Variants in DGKB observed in about 807,000 individuals in gnomAD.
DGKB encodes the protein diacylglycerol kinase beta, also known as 90 kDa diacylglycerol kinase.
In DGKB, 67 loss-of-function variants were observed where a neutral mutation model predicts 114.3. That is an observed-to-expected ratio of 0.59 (90% CI 0.48 to 0.72). DGKB has a LOEUF of 0.72. Ranked by LOEUF, DGKB falls within the 30% of genes least tolerant of loss-of-function variation. The pLI, the probability that DGKB is intolerant of heterozygous loss-of-function variation, is 0.00. For missense variants in DGKB, 907 were observed against 975.2 expected, an observed-to-expected ratio of 0.93 and a Z score of 0.93; for synonymous variants, 398 against 323.1, an observed-to-expected ratio of 1.23 and a Z score of -2.49.
intron 5 of DGKB, among the ~76,000 whole-genome samples, chr7:14,722,649 T>C (rs1020553954): frequency 5.9e-5 from 9 of 151,912 alleles, no homozygotes; most frequent in Non-Finnish European, 1.2e-4. Context: ...TCGTCTCTAC[T>C]AAAAATACAA....
intron 2 of DGKB, among the ~76,000 whole-genome samples, chr7:14,771,314 G>C (rs1277492791): frequency 5.3e-5 from 8 of 152,064 alleles, no homozygotes; most frequent in Non-Finnish European, 1.0e-4. Flanking sequence ...TATTTTCCCA[G>C]CATTCTCCCT....
At chr7:14,971,904 C>T (rs1487533827) in intron 1 of DGKB, among the ~76,000 whole-genome samples, 1 of 151,728 alleles carries the variant, frequency 6.6e-6, no homozygotes, top group Non-Finnish European at 1.5e-5. Context: ...CTGTGATTAC[C>T]CGGCTAATTT....
chr7:14,245,074 T>C (rs1794274395), intron 23 of DGKB, among the ~76,000 whole-genome samples: 1 of 152,060 alleles, frequency 6.6e-6, no homozygotes. Flanking sequence ...AAAATTGAGA[T>C]TCATGAAGAT....
At chr7:14,383,615 G>A (rs897106435) in intron 21 of DGKB, among the ~76,000 whole-genome samples, 2 of 152,218 alleles carry the variant, frequency 1.3e-5, no homozygotes, top group Non-Finnish European at 2.9e-5. Context: ...TCCAGCCCGC[G>A]TATCAATGTA....
intron 20 of DGKB, among the ~76,000 whole-genome samples, chr7:14,524,323 T>C (rs961131970): frequency 2.9e-4 from 44 of 152,182 alleles, no homozygotes; most frequent in African/African-American, 9.6e-4. Flanking sequence ...CATTCCTTGC[T>C]TCAGATCAAT....
intron 23 of DGKB, among the ~76,000 whole-genome samples, chr7:14,251,050 G>T (rs1795160433): frequency 6.6e-6 from 1 of 152,058 alleles, no homozygotes; most frequent in Non-Finnish European, 1.5e-5. Flanking sequence ...CTTTTAGGAG[G>T]TGTATAGCTG....
intron 1 of DGKB, among the ~76,000 whole-genome samples, chr7:14,856,627 T>C (rs1395287354): frequency 6.6e-6 from 1 of 152,030 alleles, no homozygotes; most frequent in South Asian, 2.1e-4. Flanking sequence ...GTCTCATTGA[T>C]GTCACTGCTG....
chr7:14,200,625 T>A (rs1175115182), intron 23 of DGKB, among the ~76,000 whole-genome samples: 1 of 152,054 alleles, frequency 6.6e-6, no homozygotes, highest in Non-Finnish European at 1.5e-5. Context: ...ATTTATCCAT[T>A]TACCTCATCC....
chr7:14,190,667 A>C (rs1275649184), intron 23 of DGKB: 2 of 152,152 alleles, frequency 1.3e-5, no homozygotes, highest in African/African-American at 4.8e-5. Context: ...CTAACTAAAA[A>C]AAAGAAAGAA....
At chr7:14,462,570 A>G (rs1355809618) in intron 21 of DGKB, among the ~76,000 whole-genome samples, 1 of 151,486 alleles carries the variant, frequency 6.6e-6, no homozygotes, top group African/African-American at 2.4e-5. Flanking sequence ...CTTCAAGGAG[A>G]ACTGCTCAGG....
At chr7:14,253,781 C>A (rs937871519) in intron 23 of DGKB, among the ~76,000 whole-genome samples, 1 of 152,166 alleles carries the variant, frequency 6.6e-6, no homozygotes, top group Non-Finnish European at 1.5e-5. Context: ...CAGACTGCAT[C>A]TATGGGGCTT....
intron 21 of DGKB, among the ~76,000 whole-genome samples, chr7:14,472,871 G>A (rs1362236493): frequency 2.0e-5 from 3 of 152,124 alleles, no homozygotes; most frequent in Non-Finnish European, 4.4e-5. Context: ...AGATGATTTA[G>A]GGTATCTGGA....
At chr7:14,510,121 G>C (rs12531531) in intron 20 of DGKB, among the ~76,000 whole-genome samples, 3,093 of 152,262 alleles carry the variant, frequency 0.02, 36 homozygotes, top group Middle Eastern at 0.024. Context: ...GACCAATCAG[G>C]GTGGTGGTTG....
At chr7:14,932,073 G>A (rs1785048892) in intron 1 of DGKB, among the ~76,000 whole-genome samples, 1 of 152,112 alleles carries the variant, frequency 6.6e-6, no homozygotes, top group Non-Finnish European at 1.5e-5. Context: ...GCCTAGATTG[G>A]AGAAGTTTCT....
intron 23 of DGKB, among the ~76,000 whole-genome samples, chr7:14,182,457 G>A (rs111755489): frequency 0.021 from 3,226 of 151,744 alleles, 95 homozygotes; most frequent in African/African-American, 0.066. Context: ...TTTAGCCTAC[G>A]TATTTTATCT....
chr7:14,628,563 A>G (rs902141541), intron 14 of DGKB, among the ~76,000 whole-genome samples: 1 of 152,198 alleles, frequency 6.6e-6, no homozygotes, highest in Non-Finnish European at 1.5e-5. Flanking sequence ...TAATCTTCAA[A>G]AATATAGCCA....
chr7:14,473,277 C>T (rs1781687820), intron 21 of DGKB, among the ~76,000 whole-genome samples: 1 of 152,188 alleles, frequency 6.6e-6, no homozygotes, highest in Non-Finnish European at 1.5e-5. Context: ...AAGGGGCCAA[C>T]ATAGAGCTCA....
intron 21 of DGKB, among the ~76,000 whole-genome samples, chr7:14,459,957 G>A (rs1832830983): frequency 6.6e-6 from 1 of 152,240 alleles, no homozygotes; most frequent in Middle Eastern, 3.4e-3. Flanking sequence ...CATTCTTAAA[G>A]AAATGAATTT....
intron 2 of DGKB, among the ~76,000 whole-genome samples, chr7:14,838,636 C>A (rs577293989): frequency 6.6e-6 from 1 of 152,000 alleles, no homozygotes; most frequent in Non-Finnish European, 1.5e-5. Context: ...CTTTTCCAGT[C>A]GTCTTTCATG....
Sources: gnomAD v4.1 joint callset for allele counts (sites outside exome capture counted in the v4.1 genomes callset) on GRCh38, gnomAD v4.1.1 for gene constraint, MANE v1.5 for transcripts, NCBI Gene and HGNC (gene_info 2026-07-23, HGNC 2026-07-21) for gene names.